The following EPS15L1 variants were observed in gnomAD, a reference collection of about 807,000 sequenced individuals.
EPS15L1 encodes epidermal growth factor receptor pathway substrate 15 like 1.
In EPS15L1, 43 loss-of-function variants were observed where a neutral mutation model predicts 117.1. The observed-to-expected ratio is 0.37, with a 90% CI of 0.29 to 0.47. The LOEUF (loss-of-function observed/expected upper bound fraction) is 0.47, where lower values mean the gene tolerates loss of function less well. Ranked by LOEUF, EPS15L1 falls within the 20% of genes least tolerant of loss-of-function variation. EPS15L1 has a pLI of 0.99. For synonymous variants in EPS15L1, 459 were observed against 470.5 expected, an observed-to-expected ratio of 0.98 and a Z score of 0.32; for missense variants, 981 against 1,164.0, an observed-to-expected ratio of 0.84 and a Z score of 2.29.
intron 1 of EPS15L1, among the ~76,000 whole-genome samples, chr19:16,453,863 C>A (rs1394733559): frequency 6.8e-6 from 1 of 147,838 alleles, no homozygotes; most frequent in Admixed American, 6.8e-5. Flanking sequence ...AGCTGAAATC[C>A]AAGAAAGAAA....
At chr19:16,377,018 C>A (rs2092304725) in intron 22 of EPS15L1, 104 bp downstream of exon 22, 3 of 1,406,882 alleles carry the variant, frequency 2.1e-6, no homozygotes, top group Non-Finnish European at 2.9e-6. Flanking sequence ...CACACAGGGT[C>A]CCACGGCATC....
At chr19:16,453,684 G>T (rs1289564843) in intron 1 of EPS15L1, among the ~76,000 whole-genome samples, 1 of 151,886 alleles carries the variant, frequency 6.6e-6, no homozygotes, top group Non-Finnish European at 1.5e-5. Context: ...CTGCACTCCA[G>T]CCTGGGCGAC....
rs1178351130 is a variant in EPS15L1 at position 16,441,083 on chromosome 19, G to C, written c.166-174C>G. ...GAGCAGGTGAATGATCTGCCCAGGGGCGCACAGCCAGTCAGCGGCAGGGCC... is the reference window on the plus strand; with the variant it reads ...GAGCAGGTGAATGATCTGCCCAGGGCCGCACAGCCAGTCAGCGGCAGGGCC... On this transcript the variant is annotated intron_variant, in intron 3 of 23. Transcript: ENST00000455140. 4 of 690,924 alleles carry C rather than the reference G, an allele frequency of 5.8e-6. No homozygotes were observed. The East Asian group carries it at 1.0e-4, about 18-fold the overall frequency. 42.8% of individuals were successfully genotyped at this position (690,924 alleles called of 1,614,324 possible).
intron 8 of EPS15L1, among the ~76,000 whole-genome samples, chr19:16,427,888 C>T (rs901747193): frequency 6.8e-6 from 1 of 147,468 alleles, no homozygotes; most frequent in Non-Finnish European, 1.5e-5. Flanking sequence ...AGCAAGACTC[C>T]GTGTCAAAAA....
chr19:16,369,676 A>AGTGTGTGTGTGTGTGTGTGTGTGAGTGT (rs2092192196), intron 22 of EPS15L1, among the ~76,000 whole-genome samples: 1 of 146,040 alleles, frequency 6.8e-6, no homozygotes, highest in Non-Finnish European at 1.5e-5. Context: ...AAGAAAAAAA[A>AGTGTGTGTGTGTGTGTGTGTGTGAGTGT]GTGTGTGTGT....
At chr19:16,374,076 T>C (rs1401858467) in intron 22 of EPS15L1, among the ~76,000 whole-genome samples, 1 of 152,258 alleles carries the variant, frequency 6.6e-6, no homozygotes, top group African/African-American at 2.4e-5. Context: ...CTGAAGCTCA[T>C]GGCTTGGTTC....
chr19:16,387,468 G>A (rs563824027), intron 19 of EPS15L1, among the ~76,000 whole-genome samples: 44 of 152,336 alleles, frequency 2.9e-4, no homozygotes, highest in Admixed American at 1.6e-3. Flanking sequence ...TTAGATGGGC[G>A]TGGTGGTGGA....
intron 1 of EPS15L1, among the ~76,000 whole-genome samples, chr19:16,462,697 G>A (rs770476724): frequency 5.9e-5 from 9 of 152,082 alleles, no homozygotes; most frequent in Non-Finnish European, 1.2e-4. Context: ...CAAAGAATCA[G>A]GGAAGTGGGA....
chr19:16,362,070 GC>G (rs2092062811), intron 22 of EPS15L1, 86 bp from the exon 23 acceptor site: 4 of 1,349,126 alleles, frequency 3.0e-6, no homozygotes, highest in Admixed American at 2.9e-5. Flanking sequence ...GTGGGCACAA[GC>G]CCGGGGCGCT....
chr19:16,459,558 G>A (rs1423089332), intron 1 of EPS15L1, among the ~76,000 whole-genome samples: 1 of 152,170 alleles, frequency 6.6e-6, no homozygotes, highest in Non-Finnish European at 1.5e-5. Context: ...CTGTGGCTCA[G>A]TAGCAGTGAG....
At chr19:16,448,177 C>T (rs1271345855) in intron 1 of EPS15L1, among the ~76,000 whole-genome samples, 1 of 152,138 alleles carries the variant, frequency 6.6e-6, no homozygotes, top group Non-Finnish European at 1.5e-5. Flanking sequence ...AGACTTGACA[C>T]CAAAAGCCCG....
At chr19:16,434,096 A>G (rs1432960200) in intron 7 of EPS15L1, among the ~76,000 whole-genome samples, 1 of 152,254 alleles carries the variant, frequency 6.6e-6, no homozygotes, top group African/African-American at 2.4e-5. Context: ...AGCCCCAGGC[A>G]GCAATTTCAC....
At chr19:16,378,025 A>C (rs762450559) in intron 21 of EPS15L1, among the ~76,000 whole-genome samples, 13 of 152,130 alleles carry the variant, frequency 8.5e-5, no homozygotes, top group Non-Finnish European at 1.8e-4. Flanking sequence ...TGGATAGATG[A>C]ATGGATGGTG....
intron 12 of EPS15L1, among the ~76,000 whole-genome samples, chr19:16,416,620 G>A (rs2092760280): frequency 2.7e-5 from 4 of 148,460 alleles, no homozygotes; most frequent in African/African-American, 7.5e-5. Flanking sequence ...CTAGGTGACA[G>A]AATGAGACTC....
rs141557327 is a variant in EPS15L1, at chr19:16,367,970, TGAGA to T, written c.2381-5990_2381-5987del. ...AAAATATTAGTAATAAACATGAGAG[TGAGA>T]GAGAGAGAGAGTGTGTGTGTGTGTG... On this transcript the variant is annotated intron_variant, in intron 22 of 23. Transcript: ENST00000455140. Among the ~76,000 whole-genome samples the T allele has an allele frequency of 1.5e-4, 22 of 150,714 alleles. 1 individual carries two copies. The South Asian group carries it at 1.5e-3, about 10-fold the overall frequency.
chr19:16,432,344 G>A (rs970492622), intron 7 of EPS15L1, among the ~76,000 whole-genome samples: 4 of 152,042 alleles, frequency 2.6e-5, no homozygotes, highest in African/African-American at 9.7e-5. Flanking sequence ...CAAGGCAGGC[G>A]GATAATGAGG....
chr19:16,385,220 G>A lies in EPS15L1; in HGVS notation c.2165-9C>T, dbSNP rs753298624. 9.9e-6 allele frequency: 16 copies of A among 1,613,016 alleles called. No homozygotes were observed. In the East Asian group the frequency reaches 1.8e-4, roughly 18 times the overall value. On this transcript the variant is annotated splice_polypyrimidine_tract_variant and intron_variant, in intron 20 of 23. Transcript: ENST00000455140. The stretch of plus-strand genomic sequence containing the variant: ...TAAGGTTCCAAAGGGATCTGCAATC[G>A]GCACCAACAAAGTCAGAGTTACAGG...
rs2092631389 is a variant in EPS15L1 at position 16,404,208 on chromosome 19, C to G, written c.1429-278G>C. Among the ~76,000 whole-genome samples, 1 of 152,190 alleles carries G rather than the reference C, an allele frequency of 6.6e-6. No individual in the cohort carries two copies. The highest frequency in any genetic ancestry group is 1.5e-5 in the Non-Finnish European group (1 of 68,028). ...AGCACGAACAATCTGTCCATCCCCC[C>G]AGAGGCTGAACGTCATAGAGTTTTC... On this transcript the variant is annotated intron_variant, in intron 14 of 23. Transcript: ENST00000455140. This position sits in a 1 kb window ranked among gnomAD's most constrained non-coding sequence, Gnocchi z 4.2.
At chr19:16,400,634 G>C (rs1205544471) in intron 16 of EPS15L1, 1 of 984,962 alleles carries the variant, frequency 1.0e-6, no homozygotes, top group Non-Finnish European at 1.2e-6. Context: ...CCAGAAAAAT[G>C]CTTTAAAAAC....
Sources: allele counts gnomAD v4.1 joint callset (sites outside exome capture counted in the v4.1 genomes callset), GRCh38; gene constraint gnomAD v4.1.1; non-coding constraint Gnocchi (gnomAD v3.1); transcripts MANE v1.5; gene names NCBI Gene and HGNC (gene_info 2026-07-23, HGNC 2026-07-21).